TBC1D8B: variants seen among roughly 807,000 people sequenced by gnomAD.
TBC1D8B encodes RP11-321G1.1.
A neutral mutation model predicts 82.9 loss-of-function variants in TBC1D8B; 75 were observed. That is an observed-to-expected ratio of 0.90 (90% CI 0.75 to 1.10). TBC1D8B has a LOEUF of 1.10. Among genes scored for constraint, TBC1D8B ranks in the 50% least tolerant of loss-of-function variants. The probability of loss-of-function intolerance (pLI) is 0.00; values close to 1 mark genes in which losing one functional copy is unlikely to be tolerated. For missense variants in TBC1D8B, 794 were observed against 796.9 expected, an observed-to-expected ratio of 1.00 and a Z score of 0.04; for synonymous variants, 276 against 276.8, an observed-to-expected ratio of 1.00 and a Z score of 0.03.
chrX:106,872,091 G>C (rs983069767), intron 20 of TBC1D8B, among the ~76,000 whole-genome samples: 2 of 110,272 alleles, frequency 1.8e-5, no homozygotes, highest in Non-Finnish European at 3.8e-5. Context: ...AAGGGTATGA[G>C]GTAAGACCCT....
intron 10 of TBC1D8B, among the ~76,000 whole-genome samples, chrX:106,847,414 C>T (rs1932481304): frequency 9.0e-6 from 1 of 111,495 alleles, no homozygotes; most frequent in Admixed American, 9.6e-5. Context: ...AACTTGTTAA[C>T]AGTTTATTTC....
intron 7 of TBC1D8B, among the ~76,000 whole-genome samples, chrX:106,830,656 G>C (rs1932013559): frequency 9.1e-6 from 1 of 109,469 alleles, no homozygotes; most frequent in African/African-American, 3.3e-5. Context: ...GGACATGGAT[G>C]AAATTGGAAA....
intron 1 of TBC1D8B, among the ~76,000 whole-genome samples, chrX:106,813,692 A>C (rs1460929701): frequency 8.9e-6 from 1 of 111,988 alleles, no homozygotes; most frequent in African/African-American, 3.2e-5. Context: ...TTGACAACTT[A>C]TGTTTATTTA....
intron 14 of TBC1D8B, among the ~76,000 whole-genome samples, chrX:106,864,237 A>G (rs113865926): frequency 4.5e-5 from 5 of 111,096 alleles, no homozygotes; most frequent in East Asian, 2.8e-4. Context: ...TCCCACTCCC[A>G]GCCTTACACA....
intron 12 of TBC1D8B, 110 bp from the exon 13 acceptor site, chrX:106,853,411 C>A: frequency 2.7e-6 from 2 of 735,364 alleles, no homozygotes; most frequent in Non-Finnish European, 4.1e-6. Context: ...CTTCCCTTGT[C>A]CTCTCAGTTG....
Position 106,840,121 on chromosome X carries a change from G to A in TBC1D8B, c.1427G>A (p.Arg476Gln), listed in dbSNP as rs749508300. 11 of 1,207,733 alleles carry A rather than the reference G, an allele frequency of 9.1e-6. No homozygotes were observed. The highest frequency in any genetic ancestry group is 7.1e-5 in the South Asian group (4 of 56,637). The change falls in exon 9 of 21, where the codon CGA (arginine) becomes CAA (glutamine). Residue 476 changes from arginine (R) to glutamine (Q), a missense_variant. Arg to Gln is a conservative substitution (Grantham distance 43). Transcript: ENST00000357242. ...AECGRGVSMF[R>Q]TKKTRDLVVR... Reference sequence around the variant, plus strand: ...TGTGGACGTGGTGTTAGTATGTTTCGAACCAAAAAGACTCGAGATCTTGTT... The same window carrying A: ...TGTGGACGTGGTGTTAGTATGTTTCAAACCAAAAAGACTCGAGATCTTGTT...
chrX:106,866,487 A>T (rs1265600085), intron 16 of TBC1D8B, among the ~76,000 whole-genome samples: 1 of 112,116 alleles, frequency 8.9e-6, no homozygotes, highest in African/African-American at 3.2e-5. Context: ...CTTATCAGGG[A>T]TCACCCCTTG....
At chrX:106,823,159 G>A in intron 4 of TBC1D8B, 67 bp from the exon 5 acceptor site, 1 of 1,063,237 alleles carries the variant, frequency 9.4e-7, no homozygotes, top group Non-Finnish European at 1.3e-6. Context: ...TGTTTCAGAA[G>A]AACTGATTAA....
chrX:106,852,950 A>G (rs1932621579), intron 12 of TBC1D8B, among the ~76,000 whole-genome samples: 1 of 109,913 alleles, frequency 9.1e-6, no homozygotes, highest in South Asian at 3.9e-4. Context: ...GTTTTTTCCA[A>G]TTCTGTGAAG....
intron 10 of TBC1D8B, among the ~76,000 whole-genome samples, chrX:106,844,623 A>G (rs902002964): frequency 3.1e-4 from 33 of 107,708 alleles, no homozygotes; most frequent in African/African-American, 1.1e-3. Flanking sequence ...GATCCTTTTT[A>G]TGTGTTCTTA....
chrX:106,848,290 T>C lies in TBC1D8B; in HGVS notation c.1824T>C (p.Asn608=). 8.5e-7 allele frequency: 1 copy of C among 1,181,412 alleles called. No individual in the cohort carries two copies. The highest frequency in any genetic ancestry group is 1.1e-6 in the Non-Finnish European group (1 of 874,425). ...VCERMLPDYF[N]RRIIGALVDQ... ...AACGAATGTTGCCTGATTATTTTAA[T>C]CGTCGAATTATTGGTAAAAGAAAAA... is the stretch of plus-strand genomic sequence containing the variant. Residue 608 remains asparagine (N), a synonymous_variant, in exon 11 of 21, where the codon AAT becomes AAC. Coordinates refer to ENST00000357242, the MANE Select transcript of TBC1D8B (RefSeq NM_017752.3).
At chrX:106,858,409 A>G (rs1932738531) in intron 14 of TBC1D8B, among the ~76,000 whole-genome samples, 1 of 111,835 alleles carries the variant, frequency 8.9e-6, no homozygotes, top group Non-Finnish European at 1.9e-5. Flanking sequence ...AATAGCTGGA[A>G]CTACAGGCAT....
chrX:106,860,513 T>C (rs1932764171), intron 14 of TBC1D8B, among the ~76,000 whole-genome samples: 2 of 110,982 alleles, frequency 1.8e-5, no homozygotes, highest in African/African-American at 6.6e-5. Flanking sequence ...TTTGTGTACA[T>C]AGAGGTGTTC....
chrX:106,870,031 C>G (rs1335499161), intron 19 of TBC1D8B, among the ~76,000 whole-genome samples: 1 of 112,105 alleles, frequency 8.9e-6, no homozygotes, highest in Non-Finnish European at 1.9e-5. Context: ...CTAAAGACCA[C>G]TTTGTTTTGT....
In TBC1D8B at chrX:106,870,968, A is replaced by C. The variant is rs1338079086; in HGVS notation, c.2967+155A>C. 2.7e-5 allele frequency among the ~76,000 whole-genome samples: 3 copies of C among 112,089 alleles called. No homozygotes were observed. In the East Asian group the frequency reaches 8.3e-4, roughly 31 times the overall value. ...AGATGAGCATGGAAGAGTGGGAAGA[A>C]ATTTTTTAATGATTTTTTTATTTTT... On this transcript the variant is annotated intron_variant, in intron 20 of 20. Coordinates refer to ENST00000357242, the MANE Select transcript of TBC1D8B (RefSeq NM_017752.3).
chrX:106,830,318 G>A (rs1932001072), intron 7 of TBC1D8B, among the ~76,000 whole-genome samples: 1 of 111,562 alleles, frequency 9.0e-6, no homozygotes. Flanking sequence ...GGGATGTGGA[G>A]AAATAGGAAC....
chrX:106,866,682 G>A (rs1234747743), intron 16 of TBC1D8B, 115 bp from the exon 17 acceptor site: 1 of 481,403 alleles, frequency 2.1e-6, no homozygotes, highest in Non-Finnish European at 3.3e-6. Context: ...TTAAGTAACA[G>A]GTTTCTAAAT....
intron 12 of TBC1D8B, among the ~76,000 whole-genome samples, chrX:106,851,765 T>C (rs1207740423): frequency 7.1e-5 from 8 of 112,342 alleles, no homozygotes; most frequent in African/African-American, 2.6e-4. Flanking sequence ...TATGGCTGCA[T>C]AGTATTCCAT....
intron 12 of TBC1D8B, 61 bp from the exon 13 acceptor site, chrX:106,853,460 A>G: frequency 9.0e-7 from 1 of 1,112,682 alleles, no homozygotes; most frequent in South Asian, 2.0e-5. Flanking sequence ...ATTATGTGTC[A>G]TTTCTCTGCT....
Sources: gnomAD v4.1 joint callset for allele counts (sites outside exome capture counted in the v4.1 genomes callset) on GRCh38, gnomAD v4.1.1 for gene constraint, MANE v1.5 for transcripts, NCBI Gene and HGNC (gene_info 2026-07-23, HGNC 2026-07-21) for gene names.